The following CD63 variants were observed in gnomAD, a reference collection of about 807,000 sequenced individuals.
The protein encoded by CD63 is CD63 molecule.
A neutral mutation model predicts 29.2 loss-of-function variants in CD63; 16 were observed. The ratio of observed to expected loss-of-function variants is 0.55; its 90% CI spans 0.37 to 0.83. The LOEUF (loss-of-function observed/expected upper bound fraction) is 0.83, where lower values mean the gene tolerates loss of function less well. CD63 is among the 40% of genes least tolerant of loss of function. The probability of loss-of-function intolerance (pLI) is 0.00; values close to 1 mark genes in which losing one functional copy is unlikely to be tolerated. For synonymous variants in CD63, 118 were observed against 111.7 expected, an observed-to-expected ratio of 1.06 and a Z score of -0.36; for missense variants, 251 against 297.3, an observed-to-expected ratio of 0.84 and a Z score of 1.15.
chr12:55,725,965 C>A, intron 6 of CD63, 69 bp from the exon 7 acceptor site: 1 of 1,213,204 alleles, frequency 8.2e-7, no homozygotes, highest in South Asian at 1.2e-5. Context: ...CTCCCTTGGT[C>A]CATCAGTCTC....
At chr12:55,727,634 C>G (rs1215901943) in intron 2 of CD63, 28 of 1,149,928 alleles carry the variant, frequency 2.4e-5, no homozygotes, top group African/African-American at 3.2e-5. Context: ...TTTCTACAGG[C>G]CTCCAGGGCT....
chr12:55,725,952 C>T, intron 6 of CD63, 56 bp from the exon 7 acceptor site: 1 of 1,548,616 alleles, frequency 6.5e-7, no homozygotes, highest in Non-Finnish European at 8.9e-7. Context: ...CCACCCCAAC[C>T]CCCTCCCTTG....
chr12:55,729,482 C>T (rs140162686), upstream of CD63: 700 of 152,594 alleles, frequency 4.6e-3, 5 homozygotes, highest in Non-Finnish European at 4.2e-3. Context: ...CAACTCTGTG[C>T]AAGCCCCCTC....
upstream of CD63, chr12:55,729,230 A>G: frequency 1.2e-6 from 1 of 811,638 alleles, no homozygotes; most frequent in Non-Finnish European, 1.5e-6. Context: ...GCAAAGGGAA[A>G]GCCGCAAGGG....
chr12:55,725,741 C>G lies in CD63; in HGVS notation c.651+72G>C. The G allele has an allele frequency of 3.9e-6, 6 of 1,537,698 alleles. No individual in the cohort carries two copies. The South Asian group carries it at 6.7e-5, about 17-fold the overall frequency. ...AGGCCAGTACCTCCTGTTCAGCACCCTCCTCCCCTCAGCCCCTTCCCTCCA... is the reference window on the plus strand; with the variant it reads ...AGGCCAGTACCTCCTGTTCAGCACCGTCCTCCCCTCAGCCCCTTCCCTCCA... On this transcript the variant is annotated intron_variant, in intron 7 of 7. Coordinates refer to ENST00000257857, the MANE Select transcript of CD63 (RefSeq NM_001780.6).
At chr12:55,729,249 C>T (rs1877751704), upstream of CD63, 1 of 680,112 alleles carries the variant, frequency 1.5e-6, no homozygotes, top group South Asian at 6.5e-5. Context: ...GGCAAGACCT[C>T]GGGGCGCCTG....
intron 3 of CD63, 84 bp from the exon 4 acceptor site, chr12:55,727,048 A>T: frequency 6.4e-7 from 1 of 1,568,258 alleles, no homozygotes; most frequent in Non-Finnish European, 8.7e-7. Flanking sequence ...CTGGACACTC[A>T]CAAAGGTCTT....
intron 2 of CD63, chr12:55,727,946 G>A (rs895511848): frequency 5.9e-6 from 7 of 1,194,000 alleles, no homozygotes; most frequent in Non-Finnish European, 6.3e-6. Context: ...GGAGAAGGGA[G>A]AGCGAAGGGA....
chr12:55,724,545 A>C, downstream of CD63: 1 of 1,610,006 alleles, frequency 6.2e-7, no homozygotes, highest in Non-Finnish European at 8.5e-7. Context: ...CAGTCTACTG[A>C]ATCCAGCCTT....
At position 55,727,187 on chromosome 12, in the gene CD63, G is replaced by C; in HGVS notation, c.219C>G (p.Cys73Trp). The C allele has an allele frequency of 6.2e-7, 1 of 1,613,590 alleles. No individual in the cohort carries two copies. Among genetic ancestry groups the C allele is most frequent in the Non-Finnish European group, 8.5e-7 (1 of 1,179,930 alleles). ...GACAATAGTTCTCCTTGCAGGCCCC[G>C]CAGCAGCCCACAAAAGCCACCAGGA... ...FLFLVAFVGC[C>W]GACKENYCLM... Residue 73 changes from cysteine (C) to tryptophan (W), a missense_variant, in exon 3 of 8, where the codon TGC becomes TGG. Coordinates refer to ENST00000257857, the MANE Select transcript of CD63 (RefSeq NM_001780.6).
At chr12:55,724,305 C>G (rs1195460515), downstream of CD63, 3 of 1,613,732 alleles carry the variant, frequency 1.9e-6, no homozygotes, top group Non-Finnish European at 2.5e-6. Flanking sequence ...TGATTGCAAC[C>G]ACCTATGGGG....
chr12:55,726,023 C>T, intron 6 of CD63, 98 bp downstream of exon 6: 6 of 1,507,620 alleles, frequency 4.0e-6, no homozygotes, highest in Non-Finnish European at 5.5e-6. Flanking sequence ...TTCCAGATCC[C>T]CTCCCCATCC....
rs540808587 is a variant in CD63, at chr12:55,728,241, T to C, written c.66+35A>G. The C allele has an allele frequency of 2.6e-5, 41 of 1,579,844 alleles. No individual in the cohort carries two copies. In the East Asian group the frequency reaches 8.6e-4, roughly 33 times the overall value. On this transcript the variant is annotated intron_variant, in intron 2 of 7. Coordinates refer to ENST00000257857, the MANE Select transcript of CD63 (RefSeq NM_001780.6). This position sits in a 1 kb window ranked among gnomAD's most constrained non-coding sequence, Gnocchi z 4.8. ...TGTGGAGCCAGGTCTCCCCGCACCC[T>C]GCCGGCGCGCCCCCCAGGACCCCTC...
Position 55,726,130 on chromosome 12 carries a change from G to C in CD63, c.558C>G (p.Ile186Met). Reference sequence around the variant, plus strand: ...ACAGTCTCCTCCCTACCTCCTTATGGATCGCCTTCTCGTTGAAATTAATCC... The same window carrying C: ...ACAGTCTCCTCCCTACCTCCTTATGCATCGCCTTCTCGTTGAAATTAATCC... The part of the protein sequence containing the change: ...GCGINFNEKA[I>M]HKEGCVEKIG... Residue 186 changes from isoleucine to methionine, a missense_variant, in exon 6 of 8, where the codon ATC becomes ATG. Physicochemically the swap from Ile to Met is conservative, Grantham distance 10. Transcript: ENST00000257857. The C allele has an allele frequency of 6.2e-7, 1 of 1,613,840 alleles. No individual in the cohort carries two copies. The highest frequency in any genetic ancestry group is 1.3e-5 in the African/African-American group (1 of 74,882).
chr12:55,727,778 A>G, intron 2 of CD63: 2 of 1,031,752 alleles, frequency 1.9e-6, no homozygotes, highest in Non-Finnish European at 1.2e-6. Context: ...AGCAAGAGTG[A>G]TGTGTCCCTC....
chr12:55,726,496 C>A, intron 5 of CD63: 1 of 624,808 alleles, frequency 1.6e-6, no homozygotes, highest in South Asian at 2.0e-5. Context: ...AGGCACTCAC[C>A]ACCACACCTG....
rs777731653 is a variant in CD63, at chr12:55,726,334, CTTTTTT to C, written c.427-79_427-74del. The C allele has an allele frequency of 3.9e-3, 1,128 of 287,564 alleles. 5 individuals are homozygous for C. The East Asian group carries it at 0.063, about 16-fold the overall frequency. 17.8% of individuals were successfully genotyped at this position (287,564 alleles called of 1,614,324 possible). On this transcript the variant is annotated intron_variant, in intron 5 of 7. Coordinates refer to ENST00000257857, the MANE Select transcript of CD63 (RefSeq NM_001780.6). Reference sequence around the variant, plus strand: ...CACCTTCAATATGGAGATGAGAATTCTTTTTTTTTTTTTTTTTTTTTTTTTGAGACA... The same window carrying C: ...CACCTTCAATATGGAGATGAGAATTCTTTTTTTTTTTTTTTTTTTGAGACA...
At position 55,727,138 on chromosome 12, in the gene CD63, G is replaced by A. The variant is rs373241463; in HGVS notation, c.255+13C>T. 7 of 1,604,506 alleles carry A rather than the reference G, an allele frequency of 4.4e-6. No homozygotes were observed. Among genetic ancestry groups the A allele is most frequent in the South Asian group, 3.3e-5 (3 of 90,580 alleles). On this transcript the variant is annotated intron_variant, in intron 3 of 7. Coordinates refer to ENST00000257857, the MANE Select transcript of CD63 (RefSeq NM_001780.6). ...GTCCCAGACCGCCCATGTTGGTCCC[G>A]CCCCCAACTCACCGTGATCATAAGA... is the stretch of plus-strand genomic sequence containing the variant.
chr12:55,723,902 T>C (rs1459367795), downstream of CD63: 3 of 1,613,970 alleles, frequency 1.9e-6, no homozygotes, highest in Admixed American at 3.3e-5. Context: ...TGTAGCTCAT[T>C]TTGGGATACG....
Sources: gnomAD v4.1 joint callset for allele counts on GRCh38, gnomAD v4.1.1 for gene constraint, Gnocchi (gnomAD v3.1) non-coding constraint, MANE v1.5 for transcripts, NCBI Gene and HGNC (gene_info 2026-07-23, HGNC 2026-07-21) for gene names.